Variants in UST observed in about 807,000 individuals in gnomAD.
UST encodes the protein chondroitin sulfate 2-O-sulfotransferase.
Under a neutral mutation model 45.6 loss-of-function variants are expected in UST, and 21 were observed. That is an observed-to-expected ratio of 0.46 (90% CI 0.33 to 0.66). The LOEUF (loss-of-function observed/expected upper bound fraction) is 0.66. Ranked by LOEUF, UST falls within the 30% of genes least tolerant of loss-of-function variation. The pLI, the probability that UST is intolerant of heterozygous loss-of-function variation, is 0.02. For synonymous variants in UST, 215 were observed against 200.6 expected (o/e 1.07, Z -0.61); for missense variants, 463 against 512.4 (o/e 0.90, Z 0.93).
intron 5 of UST, chr6:149,005,733 A>G (rs1414298704): frequency 1.6e-6 from 1 of 627,414 alleles, no homozygotes; most frequent in Non-Finnish European, 2.0e-6. Flanking sequence ...TTCTGTGTGC[A>G]TTAATTTATG....
intron 1 of UST, among the ~76,000 whole-genome samples, chr6:148,808,196 C>A (rs1204467739): frequency 6.6e-6 from 1 of 152,158 alleles, no homozygotes; most frequent in African/African-American, 2.4e-5. Flanking sequence ...AGAAAGGGTG[C>A]TCCAGGCAGG....
At position 148,838,573 on chromosome 6, in the gene UST, A is replaced by G. The variant is rs1777834610; in HGVS notation, c.248-48413A>G. Reference sequence around the variant, plus strand: ...CTGCTGGTCCATAGACGTCACTGTCAGTGTCAAGGCTCTCCTTCTCCTTTA... The same window carrying G: ...CTGCTGGTCCATAGACGTCACTGTCGGTGTCAAGGCTCTCCTTCTCCTTTA... On this transcript the variant is annotated intron_variant, in intron 1 of 7. Coordinates refer to ENST00000367463, the MANE Select transcript of UST (RefSeq NM_005715.3). Among the ~76,000 whole-genome samples, 3 of 152,078 alleles carry G rather than the reference A, an allele frequency of 2.0e-5. No homozygotes were observed. In the South Asian group the frequency reaches 6.2e-4, roughly 32 times the overall value.
chr6:148,798,973 G>A (rs116993891), intron 1 of UST, among the ~76,000 whole-genome samples: 1,736 of 152,224 alleles, frequency 0.011, 21 homozygotes, highest in Non-Finnish European at 0.018. Flanking sequence ...GGGTTCAAGC[G>A]ATTCTCCTGC....
chr6:148,830,463 A>G (rs1777661626), intron 1 of UST, among the ~76,000 whole-genome samples: 1 of 152,182 alleles, frequency 6.6e-6, no homozygotes. Context: ...GTCTTGCCGC[A>G]TCGTTTCCTT....
rs9404008 is a variant in UST, at chr6:148,936,892, A to G, written c.292-4387A>G. 9.8e-3 allele frequency among the ~76,000 whole-genome samples: 1,492 copies of G among 151,960 alleles called. 74 individuals are homozygous for G. The East Asian group carries it at 0.13, about 13-fold the overall frequency. On this transcript the variant is annotated intron_variant, in intron 2 of 7. Transcript: ENST00000367463. Reference sequence around the variant, plus strand: ...GTATTTTTAGTAGAGACAGTGTTTCACCGTGTTGGCCAGGCTGGTCTCGAA... The same window carrying G: ...GTATTTTTAGTAGAGACAGTGTTTCGCCGTGTTGGCCAGGCTGGTCTCGAA...
chr6:148,995,767 A>G (rs540968838), intron 5 of UST, among the ~76,000 whole-genome samples: 3 of 152,358 alleles, frequency 2.0e-5, no homozygotes, highest in South Asian at 4.1e-4. Flanking sequence ...ATATTGGGCA[A>G]CCCTGGGACA....
At chr6:149,029,185 T>C (rs1776097382) in intron 7 of UST, among the ~76,000 whole-genome samples, 1 of 151,930 alleles carries the variant, frequency 6.6e-6, no homozygotes, top group South Asian at 2.1e-4. Context: ...TCCAATTGAT[T>C]GCAGTAGTTC....
intron 1 of UST, among the ~76,000 whole-genome samples, chr6:148,871,143 T>TCTCTCTCTCTCTCTCTCTCC (rs1345024482): frequency 6.8e-6 from 1 of 147,310 alleles, no homozygotes; most frequent in Non-Finnish European, 1.5e-5. Flanking sequence ...TCTCTCTCTC[T>TCTCTCTCTCTCTCTCTCTCC]CTCCCTCTCT....
chr6:148,899,254 T>C (rs1255806198), intron 2 of UST, among the ~76,000 whole-genome samples: 2 of 151,914 alleles, frequency 1.3e-5, no homozygotes, highest in Non-Finnish European at 2.9e-5. Context: ...CACCCGCCAC[T>C]ACGCCCAGCT....
chr6:148,887,251 G>A (rs904676779), intron 2 of UST, among the ~76,000 whole-genome samples: 3 of 152,278 alleles, frequency 2.0e-5, no homozygotes, highest in African/African-American at 7.2e-5. Context: ...GGCTGTTGCT[G>A]CCCAGGCATT....
intron 1 of UST, among the ~76,000 whole-genome samples, chr6:148,823,904 CA>C (rs1233525631): frequency 6.6e-6 from 1 of 152,144 alleles, no homozygotes; most frequent in Non-Finnish European, 1.5e-5. Context: ...TGTCTGCAAG[CA>C]ATTTTCGTGT....
intron 1 of UST, among the ~76,000 whole-genome samples, chr6:148,751,715 C>A (rs1204132247): frequency 6.6e-6 from 1 of 152,018 alleles, no homozygotes; most frequent in East Asian, 1.9e-4. Context: ...GCTTGGAGAC[C>A]ATGGTCTTTC....
chr6:148,835,475 C>T (rs17663626), intron 1 of UST, among the ~76,000 whole-genome samples: 13,343 of 152,210 alleles, frequency 0.088, 611 homozygotes, highest in Non-Finnish European at 0.11. Flanking sequence ...CTTAATCAAA[C>T]GTGTCCCTGG....
At chr6:148,866,782 G>A (rs953518768) in intron 1 of UST, among the ~76,000 whole-genome samples, 9 of 152,044 alleles carry the variant, frequency 5.9e-5, no homozygotes, top group Non-Finnish European at 1.3e-4. Flanking sequence ...TTGCTTCAAT[G>A]CCTCTTTGTA....
intron 5 of UST, among the ~76,000 whole-genome samples, chr6:148,966,408 C>G (rs1780798875): frequency 6.6e-6 from 1 of 152,088 alleles, no homozygotes; most frequent in African/African-American, 2.4e-5. Flanking sequence ...TCTTTAAAAA[C>G]AGCATACATT....
intron 1 of UST, among the ~76,000 whole-genome samples, chr6:148,853,734 A>G (rs1028353284): frequency 2.6e-5 from 4 of 151,902 alleles, no homozygotes; most frequent in African/African-American, 9.7e-5. Context: ...TTTTTTTCAT[A>G]TGTTTGGTTG....
chr6:148,774,126 A>G (rs971427894), intron 1 of UST, among the ~76,000 whole-genome samples: 1 of 152,214 alleles, frequency 6.6e-6, no homozygotes, highest in African/African-American at 2.4e-5. Context: ...TTTCAACCAA[A>G]GTGAAGGAGG....
intron 1 of UST, among the ~76,000 whole-genome samples, chr6:148,802,570 TTCTC>T (rs377012646): frequency 5.3e-5 from 8 of 152,130 alleles, no homozygotes; most frequent in Admixed American, 5.2e-4. Context: ...TGATTTCATT[TTCTC>T]TCTCTCTCAT....
intron 5 of UST, among the ~76,000 whole-genome samples, chr6:148,984,391 G>A (rs1781199456): frequency 6.6e-6 from 1 of 152,182 alleles, no homozygotes; most frequent in African/African-American, 2.4e-5. Context: ...ACAGGGGTGT[G>A]ATATGAAAGC....
Sources: gnomAD v4.1 joint callset for allele counts (sites outside exome capture counted in the v4.1 genomes callset) on GRCh38, gnomAD v4.1.1 for gene constraint, MANE v1.5 for transcripts, NCBI Gene and HGNC (gene_info 2026-07-23, HGNC 2026-07-21) for gene names.